Variants in ARHGEF3 observed in about 807,000 individuals in gnomAD.
ARHGEF3 encodes the protein Rho guanine nucleotide exchange factor 3, also known as 59.8 kDA protein.
Under a neutral mutation model 63.2 loss-of-function variants are expected in ARHGEF3, and 28 were observed. That is an observed-to-expected ratio of 0.44 (90% CI 0.33 to 0.61). The LOEUF (loss-of-function observed/expected upper bound fraction) is 0.61. Among genes scored for constraint, ARHGEF3 ranks in the 20% least tolerant of loss-of-function variants. The pLI is 0.03. For synonymous variants in ARHGEF3, 266 were observed against 254.2 expected (o/e 1.05, Z -0.44); for missense variants, 533 against 659.3 (o/e 0.81, Z 2.10).
At chr3:56,986,436 A>G (rs58947023) in intron 2 of ARHGEF3, among the ~76,000 whole-genome samples, 28,160 of 152,166 alleles carry the variant, frequency 0.19, 2,782 homozygotes, top group Non-Finnish European at 0.2. Context: ...AAGGTTTGGC[A>G]ACAGTGGGGA....
chr3:57,002,479 T>TTCTAAGCACTATATA, intron 2 of ARHGEF3, among the ~76,000 whole-genome samples: 1 of 39,466 alleles, frequency 2.5e-5, no homozygotes, highest in Admixed American at 3.5e-4. Flanking sequence ...TATATATATG[T>TTCTAAGCACTATATA]TATATATATA....
chr3:56,838,263 A>G (rs1187976163), intron 4 of ARHGEF3, among the ~76,000 whole-genome samples: 1 of 152,202 alleles, frequency 6.6e-6, no homozygotes, highest in African/African-American at 2.4e-5. Context: ...ACATAGATCA[A>G]TGTTTACCAA....
At chr3:56,995,886 T>C (rs1374922831) in intron 2 of ARHGEF3, among the ~76,000 whole-genome samples, 1 of 152,120 alleles carries the variant, frequency 6.6e-6, no homozygotes, top group African/African-American at 2.4e-5. Context: ...AAAATGGAAA[T>C]AGGCTACCAG....
intron 3 of ARHGEF3, among the ~76,000 whole-genome samples, chr3:56,920,992 T>C (rs1021092063): frequency 6.8e-6 from 1 of 146,694 alleles, no homozygotes. Context: ...GAGGCGGAGC[T>C]TGCAGTGAGC....
At chr3:57,037,688 C>T (rs1200560331) in intron 1 of ARHGEF3, among the ~76,000 whole-genome samples, 1 of 152,178 alleles carries the variant, frequency 6.6e-6, no homozygotes, top group Non-Finnish European at 1.5e-5. Context: ...TCCTGGCTAA[C>T]ACGGTGAAAA....
chr3:57,039,765 T>C (rs12497506), intron 1 of ARHGEF3, among the ~76,000 whole-genome samples: 12,375 of 152,194 alleles, frequency 0.081, 607 homozygotes, highest in Middle Eastern at 0.14. Context: ...TCCTCTGCTT[T>C]AATCACTACA....
chr3:57,007,472 A>G (rs986614918), intron 2 of ARHGEF3: 57 of 879,448 alleles, frequency 6.5e-5, no homozygotes, highest in Non-Finnish European at 7.5e-5. Context: ...ACAGGCAGGC[A>G]TCTTGGTTTT....
At chr3:56,876,710 T>C (rs13081102) in intron 4 of ARHGEF3, among the ~76,000 whole-genome samples, 60,880 of 151,648 alleles carry the variant, frequency 0.4, 12,545 homozygotes, top group East Asian at 0.53. Flanking sequence ...AGAATGTGAA[T>C]CCCAATCCTA....
At chr3:57,008,913 G>T (rs1423924606) in intron 2 of ARHGEF3, among the ~76,000 whole-genome samples, 1 of 152,176 alleles carries the variant, frequency 6.6e-6, no homozygotes, top group Non-Finnish European at 1.5e-5. Flanking sequence ...TCAATGAATT[G>T]CCAACATTTC....
intron 2 of ARHGEF3, among the ~76,000 whole-genome samples, chr3:56,967,955 A>AT (rs1303422766): frequency 3.0e-5 from 2 of 67,552 alleles, no homozygotes; most frequent in Admixed American, 2.9e-4. Flanking sequence ...TATATTATAT[A>AT]TATAAAATAT....
chr3:56,736,104 T>C (rs2033610996), intron 8 of ARHGEF3, among the ~76,000 whole-genome samples: 1 of 151,568 alleles, frequency 6.6e-6, no homozygotes, highest in Non-Finnish European at 1.5e-5. Flanking sequence ...CTACTGGCTA[T>C]ACATACAAAT....
intron 3 of ARHGEF3, among the ~76,000 whole-genome samples, chr3:56,936,104 T>C (rs1037251510): frequency 1.3e-5 from 2 of 152,118 alleles, no homozygotes; most frequent in African/African-American, 4.8e-5. Flanking sequence ...ACTGATCCAA[T>C]TGAAGTTTTC....
chr3:56,922,795 T>C (rs1191242886), intron 3 of ARHGEF3, among the ~76,000 whole-genome samples: 5 of 152,122 alleles, frequency 3.3e-5, no homozygotes, highest in Admixed American at 1.3e-4. Context: ...CTTAATTTCC[T>C]TGATCTTTAG....
intron 2 of ARHGEF3, among the ~76,000 whole-genome samples, chr3:56,981,861 C>T (rs537924775): frequency 5.3e-4 from 81 of 152,240 alleles, no homozygotes; most frequent in African/African-American, 8.4e-4. Flanking sequence ...GCATTTAGTC[C>T]CCATTCTTCT....
chr3:57,072,361 T>G lies in ARHGEF3; in HGVS notation c.-28+6865A>C, dbSNP rs781536929. ...GGGCAGGTAAAAGAGAGGAGAAATG[T>G]ATACGGTCAAAGAAAACACTCTTGG... On this transcript the variant is annotated intron_variant, in intron 1 of 12. Coordinates refer to the ARHGEF3 transcript ENST00000338458. 8.8e-4 allele frequency among the ~76,000 whole-genome samples: 133 copies of G among 151,986 alleles called. No individual in the cohort carries two copies. The Middle Eastern group carries it at 0.01, about 12-fold the overall frequency.
intron 4 of ARHGEF3, among the ~76,000 whole-genome samples, chr3:56,840,881 A>G (rs2039287504): frequency 6.6e-6 from 1 of 152,292 alleles, no homozygotes; most frequent in Middle Eastern, 3.4e-3. Context: ...TGCTTTATTA[A>G]ATTTCATGGT....
intron 2 of ARHGEF3, chr3:57,007,130 T>G: frequency 8.2e-7 from 1 of 1,216,746 alleles, no homozygotes; most frequent in Non-Finnish European, 1.1e-6. Flanking sequence ...TGTGCACTTT[T>G]GTTTTTATGT....
intron 1 of ARHGEF3, among the ~76,000 whole-genome samples, chr3:56,797,401 T>A (rs753741366): frequency 6.6e-6 from 1 of 152,320 alleles, no homozygotes; most frequent in East Asian, 1.9e-4. Context: ...CCAGATCCTA[T>A]AGCAAGTGAT....
chr3:56,811,549 G>A (rs2038063866), intron 4 of ARHGEF3, among the ~76,000 whole-genome samples: 1 of 152,148 alleles, frequency 6.6e-6, no homozygotes. Context: ...GTGTGCTGTG[G>A]GTATTAGACA....
Sources: allele counts gnomAD v4.1 joint callset (sites outside exome capture counted in the v4.1 genomes callset), GRCh38; gene constraint gnomAD v4.1.1; transcripts MANE v1.5; gene names NCBI Gene and HGNC (gene_info 2026-07-23, HGNC 2026-07-21).